RGPD1: variants seen among roughly 807,000 people sequenced by gnomAD.
RGPD1 encodes the protein RANBP2-like and GRIP domain-containing protein 1.
A neutral mutation model predicts 40.6 loss-of-function variants in RGPD1; 7 were observed. That is an observed-to-expected ratio of 0.17 (90% confidence interval 0.10 to 0.32). The LOEUF (loss-of-function observed/expected upper bound fraction) is 0.32. RGPD1 is among the 10% of genes least tolerant of loss of function. The probability of loss-of-function intolerance (pLI) is 1.00; values close to 1 mark genes in which losing one functional copy is unlikely to be tolerated. For missense variants in RGPD1, 50 were observed against 472.5 expected (o/e 0.11, Z 8.29); for synonymous variants, 24 against 167.0 (o/e 0.14, Z 6.60).
rs1558799576 is a variant in RGPD1, at chr2:86,942,510, CGGGCGG to C, written c.72+203_72+208del. On this transcript the variant is annotated intron_variant, in intron 1 of 22. Transcript: ENST00000641458. ...GCGGCGGCGGCGGCCTCGACCTGGCCGGGCGGCGGCGGCGGCCTCGACCTGGCCGGG... is the reference window on the plus strand; with the variant it reads ...GCGGCGGCGGCGGCCTCGACCTGGCCCGGCGGCGGCCTCGACCTGGCCGGG... Among the ~76,000 whole-genome samples, 16 of 126,150 alleles carry C rather than the reference CGGGCGG, an allele frequency of 1.3e-4. 1 individual carries two copies. The East Asian group carries it at 1.3e-3, about 11-fold the overall frequency. 82.8% of individuals were successfully genotyped at this position (126,150 alleles called of 152,430 possible).
intron 1 of RGPD1, among the ~76,000 whole-genome samples, chr2:86,926,104 T>C (rs1359621108): frequency 6.6e-6 from 1 of 152,304 alleles, no homozygotes; most frequent in Non-Finnish European, 1.5e-5. Context: ...TTTAGAAATA[T>C]ATAATAGACA....
At chr2:86,925,676 T>G (rs1230036871) in intron 1 of RGPD1, among the ~76,000 whole-genome samples, 1 of 152,228 alleles carries the variant, frequency 6.6e-6, no homozygotes, top group Non-Finnish European at 1.5e-5. Flanking sequence ...TAATACAAAT[T>G]AAAATATTAC....
chr2:86,942,463 G>GCGCC (rs1277989586), intron 1 of RGPD1, among the ~76,000 whole-genome samples, 155 bp downstream of exon 1: 1 of 136,838 alleles, frequency 7.3e-6, no homozygotes, highest in African/African-American at 2.5e-5. Flanking sequence ...CTCTGTTGAG[G>GCGCC]CGCCGGCCTC....
At chr2:87,007,187 G>GTTT (rs1289194733) in intron 22 of RGPD1, among the ~76,000 whole-genome samples, 2 of 62,092 alleles carry the variant, frequency 3.2e-5, no homozygotes, top group East Asian at 4.4e-4. Context: ...TTTTTAATTT[G>GTTT]TTTTTGTTGT....
rs1032892328 is a variant in RGPD1, at chr2:86,945,032, A to C, written c.72+2724A>C. ...TGCTCAGCCTGATTTTTTTTTTTTT[A>C]AACAAGCTTAAAAAAAAAAAAAGCA... On this transcript the variant is annotated intron_variant, in intron 1 of 22. Coordinates refer to ENST00000641458, the MANE Select transcript of RGPD1 (RefSeq NM_001382344.1). Among the ~76,000 whole-genome samples the C allele has an allele frequency of 2.0e-5, 3 of 149,168 alleles. No individual in the cohort carries two copies. In the East Asian group the frequency reaches 5.9e-4, roughly 29 times the overall value.
rs1372726493 is a variant in RGPD1, at chr2:87,008,903, A to G, written c.5237-3610A>G. Among the ~76,000 whole-genome samples the G allele has an allele frequency of 7.7e-5, 8 of 104,136 alleles. No individual in the cohort carries two copies. The East Asian group carries it at 2.5e-3, about 32-fold the overall frequency. The allele number at this position is 104,136 out of a possible 152,430, so 68.3% of individuals were successfully genotyped here. On this transcript the variant is annotated intron_variant, in intron 22 of 22. Transcript: ENST00000641458. ...ATAGATACTTCAAAAGCTGACACAC[A>G]ATGAGAGAAAAGAATGAAAAAGAAA...
At chr2:86,918,124 G>A (rs978839036) in intron 1 of RGPD1, among the ~76,000 whole-genome samples, 1 of 150,716 alleles carries the variant, frequency 6.6e-6, no homozygotes, top group Non-Finnish European at 1.5e-5. Flanking sequence ...GATGTGAAGA[G>A]GAAGGTTTGA....
At chr2:86,914,597 C>T (rs1275057165) in intron 1 of RGPD1, among the ~76,000 whole-genome samples, 4 of 65,722 alleles carry the variant, frequency 6.1e-5, no homozygotes, top group Middle Eastern at 0.013. Context: ...TCGGCCTTGG[C>T]CTCGACCTGG....
intron 1 of RGPD1, among the ~76,000 whole-genome samples, chr2:86,942,624 G>A (rs937807422): frequency 7.5e-6 from 1 of 133,266 alleles, no homozygotes; most frequent in African/African-American, 2.7e-5. Context: ...GCTCCCTGGC[G>A]CGCTCTGTTG....
At chr2:86,939,596 A>G (rs1679590568), upstream of RGPD1, among the ~76,000 whole-genome samples, 1 of 140,030 alleles carries the variant, frequency 7.1e-6, no homozygotes, top group Non-Finnish European at 1.5e-5. Context: ...AAAAAAAAGA[A>G]AGAAAGAAAG....
chr2:86,956,837 T>G (rs955115933), intron 4 of RGPD1, among the ~76,000 whole-genome samples: 22 of 100,124 alleles, frequency 2.2e-4, no homozygotes, highest in Non-Finnish European at 3.5e-4. Flanking sequence ...TGTCATGTGG[T>G]GGAGAAGTAT....
intron 1 of RGPD1, among the ~76,000 whole-genome samples, chr2:86,945,316 A>G (rs1163250140): frequency 3.3e-5 from 5 of 152,120 alleles, no homozygotes; most frequent in Non-Finnish European, 4.4e-5. Flanking sequence ...ACTAGTGAGT[A>G]ACTTTGGAAC....
chr2:86,939,578 C>CAAA (rs560720648), upstream of RGPD1, among the ~76,000 whole-genome samples: 66 of 74,710 alleles, frequency 8.8e-4, no homozygotes, highest in African/African-American at 3.4e-3. Context: ...AACTCCGTCT[C>CAAA]AAAAAAAAAA....
chr2:86,932,883 AATTT>A (rs1442404561), intron 1 of RGPD1, among the ~76,000 whole-genome samples: 3 of 104,250 alleles, frequency 2.9e-5, no homozygotes, highest in Admixed American at 1.1e-4. Flanking sequence ...AAGTTATTAT[AATTT>A]ATTCTCAGAA....
At chr2:86,924,735 G>A (rs1678341209) in intron 1 of RGPD1, among the ~76,000 whole-genome samples, 1 of 151,962 alleles carries the variant, frequency 6.6e-6, no homozygotes, top group Non-Finnish European at 1.5e-5. Flanking sequence ...ATCTCCCAAA[G>A]TGCTGCGATT....
intron 1 of RGPD1, among the ~76,000 whole-genome samples, chr2:86,914,657 GGCGGCGGCGGCCTC>G (rs1677683543): frequency 1.9e-5 from 1 of 53,722 alleles, no homozygotes; most frequent in African/African-American, 7.0e-5. Context: ...CGGCGGCGGC[GGCGGCGGCGGCCTC>G]GACCTGGCCG....
chr2:86,942,670 G>A (rs1277897257), intron 1 of RGPD1, among the ~76,000 whole-genome samples: 1 of 143,244 alleles, frequency 7.0e-6, no homozygotes, highest in Non-Finnish European at 1.5e-5. Context: ...CGGCGGCGGC[G>A]GCCTCGACCT....
chr2:86,942,417 C>A lies in RGPD1; in HGVS notation c.72+109C>A. 3.4e-6 allele frequency: 4 copies of A among 1,190,416 alleles called. 1 individual carries two copies. The South Asian group carries it at 6.7e-5, about 20-fold the overall frequency. 73.7% of individuals were successfully genotyped at this position (1,190,416 alleles called of 1,614,324 possible). A position where few individuals can be genotyped will look rare whatever the true frequency, so the allele number is the denominator to read the frequency against. ...CGGGCGGCGGCCTCGATGGCTCAGG[C>A]GTCATGGCTCCCGACGGGCGCTGCT... is the stretch of plus-strand genomic sequence containing the variant. On this transcript the variant is annotated intron_variant, in intron 1 of 22. Transcript: ENST00000641458.
At chr2:86,930,681 C>A (rs543586584) in intron 1 of RGPD1, 2 of 1,609,814 alleles carry the variant, frequency 1.2e-6, no homozygotes, top group Non-Finnish European at 1.7e-6. Flanking sequence ...GCACAGCTCT[C>A]GAAGCTGCTG....
Sources: gnomAD v4.1 joint callset for allele counts (sites outside exome capture counted in the v4.1 genomes callset) on GRCh38, gnomAD v4.1.1 for gene constraint, MANE v1.5 for transcripts, NCBI Gene and HGNC (gene_info 2026-07-23, HGNC 2026-07-21) for gene names.